Variants in UHRF2 observed in about 807,000 individuals in gnomAD.
The protein encoded by UHRF2 is ubiquitin like with PHD and ring finger domains 2.
UHRF2 carries 23 observed loss-of-function variants against 96.8 expected under a neutral mutation model. That is an observed-to-expected ratio of 0.24 (90% CI 0.17 to 0.34). UHRF2 has a LOEUF of 0.34. Among genes scored for constraint, UHRF2 ranks in the 10% least tolerant of loss-of-function variants. The pLI, the probability that UHRF2 is intolerant of heterozygous loss-of-function variation, is 1.00. For synonymous variants in UHRF2, 385 were observed against 332.6 expected (o/e 1.16, Z -1.72); for missense variants, 685 against 981.5 (o/e 0.70, Z 4.04).
chr9:6,438,581 G>A (rs571297236), intron 3 of UHRF2, among the ~76,000 whole-genome samples: 1 of 152,302 alleles, frequency 6.6e-6, no homozygotes, highest in East Asian at 1.9e-4. Flanking sequence ...AACCTCTTGA[G>A]TGTAGCAGTG....
rs763845489 is a variant in UHRF2 at position 6,482,011 on chromosome 9, G to A, written c.1304G>A (p.Arg435His). ...TTGTAGGGAATGGCTTGTGTTGGTC[G>A]TACGAGAGAATGTACTATTGTCCCT... Reference protein sequence around the residue: ...DWGRGMACVGRTRECTIVPSN... With the variant: ...DWGRGMACVGHTRECTIVPSN... The change falls in exon 8 of 16, where the codon CGT becomes CAT. Residue 435 changes from arginine (R) to histidine (H), a missense_variant. By Grantham distance (29) the Arg-to-His change is conservative (BLOSUM62 0). Around this residue, in one of 6 missense-constraint regions of UHRF2, gnomAD observed 73 missense variants for 283.7 expected, o/e 0.26. Transcript: ENST00000276893. 6.2e-7 allele frequency: 1 copy of A among 1,613,840 alleles called. No homozygotes were observed. Among genetic ancestry groups the A allele is most frequent in the Non-Finnish European group, 8.5e-7 (1 of 1,179,894 alleles).
chr9:6,426,025 C>A (rs545630941), intron 2 of UHRF2, among the ~76,000 whole-genome samples: 5 of 152,258 alleles, frequency 3.3e-5, no homozygotes, highest in Non-Finnish European at 7.4e-5. Flanking sequence ...GATTTGCTTT[C>A]AAAGGAGGGC....
At position 6,506,294 on chromosome 9, in the gene UHRF2, A is replaced by G; in HGVS notation, c.*115A>G. The G allele has an allele frequency of 2.2e-6, 3 of 1,367,276 alleles. No homozygotes were observed. Among genetic ancestry groups the G allele is most frequent in the Non-Finnish European group, 3.0e-6 (3 of 1,006,850 alleles). The allele number at this position is 1,367,276 out of a possible 1,614,324, so 84.7% of individuals were successfully genotyped here. A position where few individuals can be genotyped will look rare whatever the true frequency, so the allele number is the denominator to read the frequency against. On this transcript the variant is annotated 3_prime_UTR_variant, in exon 16 of 16. Transcript: ENST00000276893. Reference sequence around the variant, plus strand: ...GTATCTCTCACGTTCTGAAGCAGCTAATCCTCTTTCCCACATAGCCATCAT... The same window carrying G: ...GTATCTCTCACGTTCTGAAGCAGCTGATCCTCTTTCCCACATAGCCATCAT...
At chr9:6,467,266 G>T (rs1241662259) in intron 4 of UHRF2, among the ~76,000 whole-genome samples, 1 of 152,144 alleles carries the variant, frequency 6.6e-6, no homozygotes. Context: ...CAACGATGTT[G>T]CTTCTCTTTG....
rs1210037372 is a variant in UHRF2, at chr9:6,485,608, A to ACCCCCGC, written c.1393-1202_1393-1196dup. The stretch of plus-strand genomic sequence containing the variant: ...CTAAAAGCTTCTAAAGTGCCTTTCC[A>ACCCCCGC]CCCCCGCCCCCCGCCCCAAATTATT... On this transcript the variant is annotated intron_variant, in intron 8 of 15. Coordinates refer to ENST00000276893, the MANE Select transcript of UHRF2 (RefSeq NM_152896.3). Among the ~76,000 whole-genome samples, 189 of 94,654 alleles carry ACCCCCGC rather than the reference A, an allele frequency of 2.0e-3. 2 individuals carry two copies. Among genetic ancestry groups the ACCCCCGC allele is most frequent in the Non-Finnish European group, 6.9e-4 (33 of 48,134 alleles). 62.1% of individuals were successfully genotyped at this position (94,654 alleles called of 152,430 possible). A position where few individuals can be genotyped will look rare whatever the true frequency, so the allele number is the denominator to read the frequency against.
intron 3 of UHRF2, among the ~76,000 whole-genome samples, chr9:6,436,157 C>G (rs1254486974): frequency 6.6e-6 from 1 of 152,098 alleles, no homozygotes; most frequent in African/African-American, 2.4e-5. Context: ...TCCTAGAACG[C>G]TTATTATTTT....
At chr9:6,455,812 T>C (rs1041676909) in intron 3 of UHRF2, among the ~76,000 whole-genome samples, 1 of 152,022 alleles carries the variant, frequency 6.6e-6, no homozygotes, top group South Asian at 2.1e-4. Context: ...GGTGAGACCC[T>C]GTCTCCACAA....
intron 8 of UHRF2, among the ~76,000 whole-genome samples, chr9:6,485,837 A>G (rs979969136): frequency 2.0e-5 from 3 of 149,124 alleles, no homozygotes; most frequent in Non-Finnish European, 3.0e-5. Flanking sequence ...AACAAAACCC[A>G]AAACCAATTG....
chr9:6,496,668 C>G (rs908753790), intron 10 of UHRF2: 4 of 152,300 alleles, frequency 2.6e-5, no homozygotes, highest in Admixed American at 2.6e-4. Context: ...CATTCTCATA[C>G]ACCACTTATT....
chr9:6,470,491 AAAT>A (rs1394416139), intron 4 of UHRF2, among the ~76,000 whole-genome samples: 2 of 152,236 alleles, frequency 1.3e-5, no homozygotes, highest in African/African-American at 2.4e-5. Flanking sequence ...GCACTAAGAG[AAAT>A]AATAAAGGGA....
chr9:6,478,901 A>C (rs1489803112), intron 6 of UHRF2, among the ~76,000 whole-genome samples: 1 of 151,962 alleles, frequency 6.6e-6, no homozygotes, highest in African/African-American at 2.4e-5. Context: ...GCTAATAACT[A>C]TTTCCTCTGA....
intron 6 of UHRF2, among the ~76,000 whole-genome samples, 159 bp downstream of exon 6, chr9:6,477,967 G>C (rs1823686339): frequency 6.6e-6 from 1 of 152,184 alleles, no homozygotes; most frequent in Admixed American, 6.5e-5. Flanking sequence ...TTCAATTACT[G>C]TAACAACCTC....
chr9:6,462,852 G>A (rs2130853849), intron 4 of UHRF2, among the ~76,000 whole-genome samples: 1 of 152,304 alleles, frequency 6.6e-6, no homozygotes, highest in East Asian at 1.9e-4. Context: ...ACGAGGCAGA[G>A]GTTGCAGTAA....
intron 8 of UHRF2, among the ~76,000 whole-genome samples, chr9:6,484,048 C>T (rs946743026): frequency 2.2e-4 from 33 of 151,086 alleles, no homozygotes; most frequent in East Asian, 1.4e-3. Flanking sequence ...GTCTCCTATG[C>T]ATTTACCTTC....
intron 3 of UHRF2, among the ~76,000 whole-genome samples, chr9:6,443,918 T>A (rs1821336777): frequency 6.6e-6 from 1 of 152,258 alleles, no homozygotes; most frequent in African/African-American, 2.4e-5. Flanking sequence ...CTGTGGTACA[T>A]GATTTTGAGT....
intron 1 of UHRF2, among the ~76,000 whole-genome samples, chr9:6,416,428 A>T (rs1269611223): frequency 6.7e-6 from 1 of 149,582 alleles, no homozygotes; most frequent in Non-Finnish European, 1.5e-5. Context: ...AGTTTTGGTT[A>T]GAGTAGGATA....
chr9:6,487,182 C>CTTTTTTTTTTTGTTTTTTTTTTTTTTTTT (rs1824342284), intron 9 of UHRF2, among the ~76,000 whole-genome samples: 1 of 69,578 alleles, frequency 1.4e-5, no homozygotes, highest in Non-Finnish European at 2.4e-5. Context: ...TTTTTTTTTC[C>CTTTTTTTTTTTGTTTTTTTTTTTTTTTTT]TTTTTTTTTT....
chr9:6,431,336 G>A (rs1329770930), intron 2 of UHRF2, among the ~76,000 whole-genome samples: 1 of 152,026 alleles, frequency 6.6e-6, no homozygotes, highest in Non-Finnish European at 1.5e-5. Context: ...GGCCAGGCAG[G>A]GTGCCTTGTG....
chr9:6,453,873 C>G (rs530517209), intron 3 of UHRF2, among the ~76,000 whole-genome samples: 2 of 152,106 alleles, frequency 1.3e-5, no homozygotes, highest in East Asian at 1.9e-4. Context: ...CCATTGTACT[C>G]CAACCTGGGC....
Sources: gnomAD v4.1 joint callset for allele counts (sites outside exome capture counted in the v4.1 genomes callset) on GRCh38, gnomAD v4.1.1 for gene constraint, gnomAD v4.1.1 regional missense constraint, MANE v1.5 for transcripts, NCBI Gene and HGNC (gene_info 2026-07-23, HGNC 2026-07-21) for gene names.